TRAPPC12: variants seen among roughly 807,000 people sequenced by gnomAD.
The protein encoded by TRAPPC12 is TPR repeat protein 15.
In TRAPPC12, 61 loss-of-function variants were observed where a neutral mutation model predicts 69.2. That is an observed-to-expected ratio of 0.88 (90% CI 0.72 to 1.09). The LOEUF is 1.09. Ranked by LOEUF, TRAPPC12 falls within the 50% of genes least tolerant of loss-of-function variation. The pLI, the probability that TRAPPC12 is intolerant of heterozygous loss-of-function variation, is 0.00. For missense variants in TRAPPC12, 1,101 were observed against 1,016.4 expected (o/e 1.08, Z -1.13); for synonymous variants, 469 against 438.9 (o/e 1.07, Z -0.86).
At chr2:3,444,348 C>T (rs1039386673) in intron 6 of TRAPPC12, among the ~76,000 whole-genome samples, 6 of 152,268 alleles carry the variant, frequency 3.9e-5, no homozygotes, top group Non-Finnish European at 8.8e-5. Context: ...ACTCATGATC[C>T]TGACTGCAAA....
intron 3 of TRAPPC12, among the ~76,000 whole-genome samples, chr2:3,407,304 A>G (rs1219242785): frequency 6.6e-6 from 1 of 152,204 alleles, no homozygotes; most frequent in Non-Finnish European, 1.5e-5. Context: ...TGTAATGCCT[A>G]CGTTCAGTTT....
chr2:3,443,955 G>A, intron 6 of TRAPPC12, 64 bp downstream of exon 6: 2 of 1,264,360 alleles, frequency 1.6e-6, no homozygotes, highest in Non-Finnish European at 2.3e-6. Flanking sequence ...CTCCCCACAG[G>A]ACATGCCCGT....
intron 10 of TRAPPC12, 168 bp from the exon 11 acceptor site, chr2:3,478,678 G>A: frequency 1.7e-6 from 1 of 599,714 alleles, no homozygotes; most frequent in South Asian, 2.1e-5. Flanking sequence ...TAATGTGCGA[G>A]CCTGAATGCA....
intron 5 of TRAPPC12, among the ~76,000 whole-genome samples, chr2:3,434,964 A>G (rs775593793): frequency 3.3e-5 from 5 of 152,172 alleles, no homozygotes; most frequent in African/African-American, 7.2e-5. Context: ...GGAGGAGCCG[A>G]TCACCCTCTG....
At chr2:3,462,668 TTA>T (rs1444175996) in intron 8 of TRAPPC12, among the ~76,000 whole-genome samples, 1 of 152,260 alleles carries the variant, frequency 6.6e-6, no homozygotes, top group Non-Finnish European at 1.5e-5. Context: ...GTGGCATGTA[TTA>T]TAAAGCATTG....
rs1200912683 is a variant in TRAPPC12 at position 3,387,814 on chromosome 2, AAC to A, written c.195_196del (p.Met66AspfsTer8). 5 of 1,613,436 alleles carry A rather than the reference AAC, an allele frequency of 3.1e-6. No homozygotes were observed. In the South Asian group the frequency reaches 5.5e-5, roughly 18 times the overall value. On this transcript the variant is annotated frameshift_variant, in exon 2 of 12. Coordinates refer to ENST00000324266, the MANE Select transcript of TRAPPC12 (RefSeq NM_016030.6). LOFTEE classifies it high-confidence loss of function. ...AGTCCTCTCGCGGACAAGCTGAACGAACACATGATGGAGAGCGTCCTCATCTC... is the reference window on the plus strand; with the variant it reads ...AGTCCTCTCGCGGACAAGCTGAACGAACATGATGGAGAGCGTCCTCATCTC...
intron 3 of TRAPPC12, among the ~76,000 whole-genome samples, chr2:3,412,722 A>G (rs917783139): frequency 2.0e-5 from 3 of 152,126 alleles, no homozygotes; most frequent in African/African-American, 7.2e-5. Context: ...TGTCATCTCC[A>G]ACTCCAGGGT....
intron 5 of TRAPPC12, among the ~76,000 whole-genome samples, chr2:3,428,729 G>A (rs1455572415): frequency 1.3e-5 from 2 of 152,078 alleles, no homozygotes; most frequent in African/African-American, 4.8e-5. Context: ...TCTTTCACTT[G>A]GTTGTTTGGA....
intron 6 of TRAPPC12, among the ~76,000 whole-genome samples, chr2:3,444,216 G>C (rs1042388462): frequency 6.6e-6 from 1 of 152,226 alleles, no homozygotes; most frequent in African/African-American, 2.4e-5. Context: ...GACCACCCCT[G>C]TGTCCCACAA....
Position 3,408,664 on chromosome 2 carries a change from G to A in TRAPPC12, c.1164+6771G>A, listed in dbSNP as rs115157959. 5.3e-3 allele frequency among the ~76,000 whole-genome samples: 802 copies of A among 151,914 alleles called. 7 individuals carry two copies. The highest frequency in any genetic ancestry group is 0.017 in the African/African-American group (702 of 41,444). On this transcript the variant is annotated intron_variant, in intron 3 of 11. Coordinates refer to ENST00000324266, the MANE Select transcript of TRAPPC12 (RefSeq NM_016030.6). ...AAAAAAAAATAATAATAACAATAAAGTACATGCTTTGTATAACTTTTGACT... is the reference window on the plus strand; with the variant it reads ...AAAAAAAAATAATAATAACAATAAAATACATGCTTTGTATAACTTTTGACT...
chr2:3,421,844 A>T (rs1202898798), intron 3 of TRAPPC12, 37 bp from the exon 4 acceptor site: 1 of 1,575,266 alleles, frequency 6.3e-7, no homozygotes, highest in Non-Finnish European at 8.7e-7. Flanking sequence ...CATGCCTTGC[A>T]TGTGTGTTTG....
chr2:3,473,770 T>C (rs933159073), intron 9 of TRAPPC12, among the ~76,000 whole-genome samples: 21 of 152,360 alleles, frequency 1.4e-4, no homozygotes, highest in African/African-American at 5.0e-4. Context: ...TGGGCCCAGC[T>C]GAAATGAGTT....
intron 5 of TRAPPC12, among the ~76,000 whole-genome samples, chr2:3,431,161 C>T (rs1663413918): frequency 6.6e-6 from 1 of 152,248 alleles, no homozygotes; most frequent in Non-Finnish European, 1.5e-5. Context: ...CTGGCATACC[C>T]TTGAGGCCCT....
intron 2 of TRAPPC12, among the ~76,000 whole-genome samples, chr2:3,389,246 C>G (rs1293148897): frequency 6.6e-6 from 1 of 152,258 alleles, no homozygotes; most frequent in East Asian, 1.9e-4. Context: ...CCTGCCCAGG[C>G]CTCTCTCGGC....
At chr2:3,438,836 A>G (rs1300010231) in intron 5 of TRAPPC12, among the ~76,000 whole-genome samples, 2 of 152,098 alleles carry the variant, frequency 1.3e-5, no homozygotes, top group African/African-American at 4.8e-5. Context: ...TTCTCTGTTG[A>G]AGAACATCTT....
At chr2:3,383,685 G>A (rs988821133) in intron 1 of TRAPPC12, among the ~76,000 whole-genome samples, 2 of 152,004 alleles carry the variant, frequency 1.3e-5, no homozygotes, top group East Asian at 1.9e-4. Context: ...GATTACAGGC[G>A]TGAGCCACCG....
intron 5 of TRAPPC12, among the ~76,000 whole-genome samples, chr2:3,441,543 T>C (rs1032967639): frequency 2.6e-5 from 4 of 151,728 alleles, no homozygotes; most frequent in Non-Finnish European, 5.9e-5. Flanking sequence ...TCAAAGAATA[T>C]GTTTTTGGTT....
At chr2:3,388,764 C>G in intron 2 of TRAPPC12, 94 bp downstream of exon 2, 1 of 1,260,662 alleles carries the variant, frequency 7.9e-7, no homozygotes, top group South Asian at 1.6e-5. Context: ...AAGGAGAAGG[C>G]CTTGTTTTCA....
At chr2:3,447,141 C>T (rs1015728267) in intron 6 of TRAPPC12, among the ~76,000 whole-genome samples, 1 of 151,936 alleles carries the variant, frequency 6.6e-6, no homozygotes, top group Non-Finnish European at 1.5e-5. Flanking sequence ...CGTTCTGTCA[C>T]CCAGGCTGGA....
Sources: gnomAD v4.1 joint callset for allele counts (sites outside exome capture counted in the v4.1 genomes callset) on GRCh38, gnomAD v4.1.1 for gene constraint, MANE v1.5 for transcripts, NCBI Gene and HGNC (gene_info 2026-07-23, HGNC 2026-07-21) for gene names.